PLEKHA6: variants seen among roughly 807,000 people sequenced by gnomAD.
PLEKHA6 encodes the protein pleckstrin homology domain containing A6.
A neutral mutation model predicts 116.7 loss-of-function variants in PLEKHA6; 60 were observed. The ratio of observed to expected loss-of-function variants is 0.51; its 90% confidence interval spans 0.42 to 0.64. The LOEUF (loss-of-function observed/expected upper bound fraction) is 0.64, where lower values mean the gene tolerates loss of function less well. Among genes scored for constraint, PLEKHA6 ranks in the 30% least tolerant of loss-of-function variants. The pLI, the probability that PLEKHA6 is intolerant of heterozygous loss-of-function variation, is 0.00. For missense variants in PLEKHA6, 1,338 were observed against 1,422.7 expected, an observed-to-expected ratio of 0.94 and a Z score of 0.96; for synonymous variants, 489 against 556.1, an observed-to-expected ratio of 0.88 and a Z score of 1.70.
chr1:204,308,904 T>C (rs1671534955), intron 1 of PLEKHA6: 1 of 155,522 alleles, frequency 6.4e-6, no homozygotes, highest in African/African-American at 2.4e-5. Flanking sequence ...TTAGCCAGGA[T>C]GGTCTCGATC....
At chr1:204,371,053 C>CAAAAAAAAAAAAAAAAAAAAAAAAAAAAA (rs34493461) in intron 2 of PLEKHA6, among the ~76,000 whole-genome samples, 1 of 68,476 alleles carries the variant, frequency 1.5e-5, no homozygotes, top group Non-Finnish European at 2.9e-5. Context: ...GACTCTGCCT[C>CAAAAAAAAAAAAAAAAAAAAAAAAAAAAA]AAAAAAAAAA....
intron 1 of PLEKHA6, among the ~76,000 whole-genome samples, chr1:204,330,784 G>A (rs1399312587): frequency 6.6e-6 from 1 of 152,168 alleles, no homozygotes; most frequent in African/African-American, 2.4e-5. Context: ...GCTTCATTCT[G>A]TCTTTCGATG....
intron 1 of PLEKHA6, chr1:204,320,325 G>T (rs1672014646): frequency 5.8e-6 from 1 of 172,444 alleles, no homozygotes; most frequent in African/African-American, 2.4e-5. Context: ...TCGAGGTAGG[G>T]GTGAGCATGG....
intron 1 of PLEKHA6, among the ~76,000 whole-genome samples, chr1:204,346,010 C>T (rs1673029010): frequency 6.6e-6 from 1 of 152,254 alleles, no homozygotes; most frequent in African/African-American, 2.4e-5. Context: ...CCCTGCTAGC[C>T]ACCACCAGAT....
At chr1:204,351,469 C>T (rs1673279430) in intron 1 of PLEKHA6, among the ~76,000 whole-genome samples, 1 of 152,218 alleles carries the variant, frequency 6.6e-6, no homozygotes, top group Non-Finnish European at 1.5e-5. Context: ...CACCCTCCGC[C>T]CTTCCTGAGC....
intron 1 of PLEKHA6, among the ~76,000 whole-genome samples, chr1:204,286,799 T>C (rs1054792586): frequency 6.6e-6 from 1 of 152,036 alleles, no homozygotes; most frequent in African/African-American, 2.4e-5. Context: ...ACTCTCAATA[T>C]GAGGCAGAAC....
At chr1:204,285,936 G>A (rs1558139130) in intron 1 of PLEKHA6, among the ~76,000 whole-genome samples, 2 of 152,162 alleles carry the variant, frequency 1.3e-5, no homozygotes, top group Admixed American at 6.5e-5. Flanking sequence ...TGGGGGAGGA[G>A]GAGGAAAGGG....
chr1:204,375,688 G>C (rs1673856789), intron 1 of PLEKHA6, among the ~76,000 whole-genome samples: 1 of 152,066 alleles, frequency 6.6e-6, no homozygotes, highest in Non-Finnish European at 1.5e-5. Flanking sequence ...TCAAGTCCCA[G>C]TTTGAAATCT....
intron 1 of PLEKHA6, among the ~76,000 whole-genome samples, chr1:204,348,064 C>CA (rs1673134207): frequency 5.3e-5 from 8 of 152,136 alleles, no homozygotes; most frequent in Non-Finnish European, 8.8e-5. Context: ...CGCACACACC[C>CA]ACCACCCTGG....
chr1:204,268,376 G>A, intron 3 of PLEKHA6, 64 bp from the exon 4 acceptor site: 1 of 1,189,832 alleles, frequency 8.4e-7, no homozygotes, highest in Non-Finnish European at 1.2e-6. Context: ...TATCTGCAAG[G>A]GAGCCACCCC....
At chr1:204,347,825 G>A (rs1311190938) in intron 1 of PLEKHA6, among the ~76,000 whole-genome samples, 3 of 152,066 alleles carry the variant, frequency 2.0e-5, no homozygotes, top group African/African-American at 7.2e-5. Context: ...GTGGGTAGAT[G>A]GCAGAGTATA....
At chr1:204,358,346 T>C (rs1392503251) in intron 1 of PLEKHA6, among the ~76,000 whole-genome samples, 4 of 151,952 alleles carry the variant, frequency 2.6e-5, no homozygotes, top group Non-Finnish European at 5.9e-5. Flanking sequence ...CCACCTCCCC[T>C]CCACCAGCAG....
intron 5 of PLEKHA6, among the ~76,000 whole-genome samples, chr1:204,265,574 A>G (rs992514762): frequency 2.0e-5 from 3 of 152,236 alleles, no homozygotes; most frequent in African/African-American, 7.2e-5. Flanking sequence ...ATTGTTGACC[A>G]CTATCCTATC....
intron 1 of PLEKHA6, among the ~76,000 whole-genome samples, chr1:204,286,670 G>A (rs947726476): frequency 2.0e-5 from 3 of 152,234 alleles, no homozygotes; most frequent in South Asian, 2.1e-4. Flanking sequence ...CAAGCATGTG[G>A]GGCAACTGCA....
At position 204,255,781 on chromosome 1, in the gene PLEKHA6, G is replaced by C. The variant is rs575374153; in HGVS notation, c.1524+1572C>G. Reference sequence around the variant, plus strand: ...AGAAGCAAAGCAGTTAAGAGTTAGCGACAAGGACAAGGAGAGGCTTCTCCC... The same window carrying C: ...AGAAGCAAAGCAGTTAAGAGTTAGCCACAAGGACAAGGAGAGGCTTCTCCC... On this transcript the variant is annotated intron_variant, in intron 9 of 22. Transcript: ENST00000272203. The C allele has an allele frequency of 7.4e-6, 5 of 676,596 alleles. No homozygotes were observed. In the East Asian group the frequency reaches 1.1e-4, roughly 15 times the overall value. 41.9% of individuals were successfully genotyped at this position (676,596 alleles called of 1,614,324 possible).
chr1:204,266,084 T>C (rs149804749), intron 5 of PLEKHA6, among the ~76,000 whole-genome samples: 1 of 152,298 alleles, frequency 6.6e-6, no homozygotes, highest in Non-Finnish European at 1.5e-5. Flanking sequence ...TGTAGGGTTA[T>C]AAACTCCTTA....
chr1:204,258,826 G>T (rs1398128570), intron 8 of PLEKHA6, among the ~76,000 whole-genome samples: 1 of 152,192 alleles, frequency 6.6e-6, no homozygotes, highest in East Asian at 1.9e-4. Flanking sequence ...AATTAGAGTT[G>T]TTCAAAAATG....
intron 1 of PLEKHA6, among the ~76,000 whole-genome samples, chr1:204,340,468 G>A (rs931108160): frequency 6.6e-6 from 1 of 152,164 alleles, no homozygotes; most frequent in Non-Finnish European, 1.5e-5. Flanking sequence ...CAGCACAACT[G>A]CGGAGAGGCA....
chr1:204,301,206 C>T, intron 1 of PLEKHA6: 1 of 981,054 alleles, frequency 1.0e-6, no homozygotes, highest in Non-Finnish European at 1.2e-6. Flanking sequence ...CTCTCTAGCT[C>T]CAGAAGACAG....
Sources: gnomAD v4.1 joint callset for allele counts (sites outside exome capture counted in the v4.1 genomes callset) on GRCh38, gnomAD v4.1.1 for gene constraint, MANE v1.5 for transcripts, NCBI Gene and HGNC (gene_info 2026-07-23, HGNC 2026-07-21) for gene names.